Variants in GPR148 observed in about 807,000 individuals in gnomAD.
GPR148 encodes the protein probable G protein-coupled receptor 148.
For synonymous variants in GPR148, 173 were observed against 187.9 expected, an observed-to-expected ratio of 0.92 and a Z score of 0.65; for missense variants, 424 against 435.3, an observed-to-expected ratio of 0.97 and a Z score of 0.23.
Position 130,729,915 on chromosome 2 carries a change from G to A in GPR148, c.764G>A (p.Gly255Asp), listed in dbSNP as rs1574029448. 2 of 1,581,040 alleles carry A rather than the reference G, an allele frequency of 1.3e-6. No homozygotes were observed. Among genetic ancestry groups the A allele is most frequent in the East Asian group, 4.5e-5 (2 of 44,658 alleles). Residue 255 changes from glycine to aspartate, a missense_variant, in exon 1 of 1, where the codon GGC becomes GAC. Transcript: ENST00000309926. The stretch of plus-strand genomic sequence containing the variant: ...AAGACTTCAGGCATCTGGGGGCAGG[G>A]CTATTCCCGGGCCAGGGGCACCCTG... ...EAKTSGIWGQ[G>D]YSRARGTLLI...
In GPR148 at chr2:130,730,021, C is replaced by A; in HGVS notation, c.870C>A (p.His290Gln). 2 of 1,579,060 alleles carry A rather than the reference C, an allele frequency of 1.3e-6. No homozygotes were observed. The highest frequency in any genetic ancestry group is 1.7e-6 in the Non-Finnish European group (2 of 1,161,550). ...FSLDMVLTRY[H>Q]HIDSGTHTWL... The stretch of plus-strand genomic sequence containing the variant: ...TGGACATGGTGCTGACCAGGTACCA[C>A]CACATTGACTCTGGGACTCACACAT... The change falls in exon 1 of 1, where the codon CAC becomes CAA. Residue 290 changes from histidine (H) to glutamine (Q), a missense_variant. Coordinates refer to ENST00000309926, the MANE Select transcript of GPR148 (RefSeq NM_207364.2).
Position 130,729,987 on chromosome 2 carries a change from T to C in GPR148, c.836T>C (p.Val279Ala), listed in dbSNP as rs1277747584. 2 of 1,555,826 alleles carry C rather than the reference T, an allele frequency of 1.3e-6. No homozygotes were observed. Among genetic ancestry groups the C allele is most frequent in the South Asian group, 1.2e-5 (1 of 81,116 alleles). ...ACATTGTACGTGAGCACAGGGGTGGTGTTCTCCCTGGACATGGTGCTGACC... is the reference window on the plus strand; with the variant it reads ...ACATTGTACGTGAGCACAGGGGTGGCGTTCTCCCTGGACATGGTGCTGACC... ...LITLYVSTGVVFSLDMVLTRY... is the reference protein window; with the variant it reads ...LITLYVSTGVAFSLDMVLTRY... Residue 279 changes from valine to alanine, a missense_variant, in exon 1 of 1, where the codon GTG (valine) becomes GCG (alanine). Val to Ala is a moderately conservative substitution (Grantham distance 64). Transcript: ENST00000309926.
the GPR148 span, chr2:130,729,685 CT>C: frequency 6.2e-7 from 1 of 1,614,280 alleles, no homozygotes; most frequent in Admixed American, 1.7e-5. Context: ...TGGCCTGCTG[CT>C]TCCCCACATT....
At position 130,729,734 on chromosome 2, in the gene GPR148, G is replaced by A. The variant is rs1237587359; in HGVS notation, c.583G>A (p.Glu195Lys). ...CAGCAAGTGGCAGGATGCCCAGCTGGAGGAGCAAGGAGCTTCATACATCCT... is the reference window on the plus strand; with the variant it reads ...CAGCAAGTGGCAGGATGCCCAGCTGAAGGAGCAAGGAGCTTCATACATCCT... ...WLSKWQDAQL[E>K]EQGASYILPP... Residue 195 changes from glutamate (E) to lysine (K), a missense_variant, in exon 1 of 1, where the codon GAG (glutamate) becomes AAG (lysine). Physicochemically the swap from Glu to Lys is moderately conservative, Grantham distance 56. Coordinates refer to ENST00000309926, the MANE Select transcript of GPR148 (RefSeq NM_207364.2). 1.2e-6 allele frequency: 2 copies of A among 1,614,248 alleles called. No homozygotes were observed. Among genetic ancestry groups the A allele is most frequent in the South Asian group, 1.1e-5 (1 of 91,088 alleles).
Position 130,729,516 on chromosome 2 carries a change from G to T in GPR148, c.365G>T (p.Gly122Val). 1.2e-6 allele frequency: 2 copies of T among 1,614,154 alleles called. No individual in the cohort carries two copies. Among genetic ancestry groups the T allele is most frequent in the Non-Finnish European group, 1.7e-6 (2 of 1,180,020 alleles). Residue 122 changes from glycine to valine, a missense_variant, in exon 1 of 1, where the codon GGC becomes GTC. Physicochemically the swap from Gly to Val is moderately radical, Grantham distance 109. Transcript: ENST00000309926. The part of the protein sequence containing the change: ...GGWELGRMAC[G>V]ILTDAVFAAC... ...TGGGAGCTGGGCCGCATGGCCTGTGGCATTCTCACTGATGCTGTCTTCGCC... is the reference window on the plus strand; with the variant it reads ...TGGGAGCTGGGCCGCATGGCCTGTGTCATTCTCACTGATGCTGTCTTCGCC...
At position 130,729,115 on chromosome 2, in the gene GPR148, C is replaced by A; in HGVS notation, c.-37C>A. 1 of 1,506,486 alleles carries A rather than the reference C, an allele frequency of 6.6e-7. No individual in the cohort carries two copies. Among genetic ancestry groups the A allele is most frequent in the Non-Finnish European group, 8.9e-7 (1 of 1,124,066 alleles). 93.3% of individuals were successfully genotyped at this position (1,506,486 alleles called of 1,614,324 possible). Reference sequence around the variant, plus strand: ...ACACTCAAGGCAGGTGCAGAATCAACAACCTGTGACAAAGCCAGCCATCCC... The same window carrying A: ...ACACTCAAGGCAGGTGCAGAATCAAAAACCTGTGACAAAGCCAGCCATCCC... On this transcript the variant is annotated 5_prime_UTR_variant, in exon 1 of 1. Coordinates refer to ENST00000309926, the MANE Select transcript of GPR148 (RefSeq NM_207364.2).
chr2:130,729,395 C>T, the GPR148 span: 1 of 1,614,236 alleles, frequency 6.2e-7, no homozygotes, highest in African/African-American at 1.3e-5. Flanking sequence ...ACGGCTGCGA[C>T]AGGAGCCCCA....
chr2:130,729,905 TG>T, the GPR148 span: 4 of 1,587,462 alleles, frequency 2.5e-6, no homozygotes, highest in Non-Finnish European at 3.4e-6. Flanking sequence ...TTCAGGCATC[TG>T]GGGGCAGGGC....
chr2:130,730,171 C>A lies in GPR148; in HGVS notation c.1020C>A (p.His340Gln). ...MVRGHLPSRR[H>Q]QAIFTIS is the part of the protein sequence containing the mutation. ...GGGGCCACCTCCCATCCAGGAGGCA[C>A]CAGGCCATCTTTACCATTTCCTAGA... The change falls in exon 1 of 1, where the codon CAC (histidine) becomes CAA (glutamine). Residue 340 changes from histidine to glutamine, a missense_variant. His to Gln is a conservative substitution (Grantham distance 24). Transcript: ENST00000309926. The A allele has an allele frequency of 6.2e-7, 1 of 1,612,676 alleles. No homozygotes were observed. Among genetic ancestry groups the A allele is most frequent in the Non-Finnish European group, 8.5e-7 (1 of 1,179,470 alleles).
Position 130,730,017 on chromosome 2 carries a change from A to G in GPR148, c.866A>G (p.Tyr289Cys). 1 of 1,576,666 alleles carries G rather than the reference A, an allele frequency of 6.3e-7. No individual in the cohort carries two copies. The highest frequency in any genetic ancestry group is 8.6e-7 in the Non-Finnish European group (1 of 1,160,112). ...TCCCTGGACATGGTGCTGACCAGGT[A>G]CCACCACATTGACTCTGGGACTCAC... ...VFSLDMVLTR[Y>C]HHIDSGTHTW... The change falls in exon 1 of 1, where the codon TAC becomes TGC. Residue 289 changes from tyrosine (Y) to cysteine (C), a missense_variant. Tyr to Cys is a radical substitution (Grantham distance 194). Coordinates refer to ENST00000309926, the MANE Select transcript of GPR148 (RefSeq NM_207364.2).
At position 130,729,358 on chromosome 2, in the gene GPR148, G is replaced by A; in HGVS notation, c.207G>A (p.Leu69=). 6.2e-7 allele frequency: 1 copy of A among 1,613,364 alleles called. No homozygotes were observed. Among genetic ancestry groups the A allele is most frequent in the Non-Finnish European group, 8.5e-7 (1 of 1,179,276 alleles). ...CAGCCACACTGGCTGTCAGCCCCCT[G>A]CTGCTGGTGACCATCCTGCGGAACC... The part of the protein sequence containing the change: ...LAAATLAVSP[L]LLVTILRNQR... Residue 69 remains leucine, a synonymous_variant, in exon 1 of 1, where the codon CTG becomes CTA. Transcript: ENST00000309926.
rs764594321 is a variant in GPR148, at chr2:130,730,177, C to T, written c.1026C>T (p.Ala342=). 3 of 1,611,482 alleles carry T rather than the reference C, an allele frequency of 1.9e-6. No individual in the cohort carries two copies. The highest frequency in any genetic ancestry group is 1.7e-5 in the Admixed American group (1 of 59,606). The change falls in exon 1 of 1, where the codon GCC becomes GCT. Residue 342 remains alanine, a synonymous_variant. Transcript: ENST00000309926. ...RGHLPSRRHQ[A]IFTIS is the part of the protein sequence containing the mutation. The stretch of plus-strand genomic sequence containing the variant: ...ACCTCCCATCCAGGAGGCACCAGGC[C>T]ATCTTTACCATTTCCTAGAGTTCTT...
Position 130,730,026 on chromosome 2 carries a change from T to C in GPR148, c.875T>C (p.Ile292Thr), listed in dbSNP as rs138369389. The C allele has an allele frequency of 1.9e-3, 2,985 of 1,581,304 alleles. 46 individuals carry two copies. In the African/African-American group the frequency reaches 0.034, roughly 18 times the overall value. ...LDMVLTRYHH[I>T]DSGTHTWLLA... is the part of the protein sequence containing the mutation. ...ATGGTGCTGACCAGGTACCACCACA[T>C]TGACTCTGGGACTCACACATGGCTC... Residue 292 changes from isoleucine to threonine, a missense_variant, in exon 1 of 1, where the codon ATT becomes ACT. By Grantham distance (89) the Ile-to-Thr change is moderately conservative. Coordinates refer to ENST00000309926, the MANE Select transcript of GPR148 (RefSeq NM_207364.2).
At position 130,729,778 on chromosome 2, in the gene GPR148, C is replaced by T; in HGVS notation, c.627C>T (p.Thr209=). The stretch of plus-strand genomic sequence containing the variant: ...ACATCCTACCACCAAGCATGGGCAC[C>T]CAGCCGGGATGTGGCCTCCTGGTCA... ...ASYILPPSMG[T]QPGCGLLVIV... is the part of the protein sequence containing the mutation. The change falls in exon 1 of 1, where the codon ACC becomes ACT. Residue 209 remains threonine (T), a synonymous_variant. Coordinates refer to ENST00000309926, the MANE Select transcript of GPR148 (RefSeq NM_207364.2). 6.2e-7 allele frequency: 1 copy of T among 1,613,008 alleles called. No homozygotes were observed. The highest frequency in any genetic ancestry group is 8.5e-7 in the Non-Finnish European group (1 of 1,179,100).
chr2:130,729,858 C>T lies in GPR148; in HGVS notation c.707C>T (p.Ala236Val). The T allele has an allele frequency of 1.3e-6, 2 of 1,593,860 alleles. No homozygotes were observed. Among genetic ancestry groups the T allele is most frequent in the Non-Finnish European group, 1.7e-6 (2 of 1,168,228 alleles). The change falls in exon 1 of 1, where the codon GCC becomes GTC. Residue 236 changes from alanine to valine, a missense_variant. Ala to Val is a moderately conservative substitution (Grantham distance 64). Coordinates refer to ENST00000309926, the MANE Select transcript of GPR148 (RefSeq NM_207364.2). ...CTGTTCCTCTGCACAGCTCTCATTG[C>T]CAACTGTTTCTGGAGGATCTATGCA... is the stretch of plus-strand genomic sequence containing the variant. ...CVLFLCTALI[A>V]NCFWRIYAEA...
At position 130,729,355 on chromosome 2, in the gene GPR148, CCTG is replaced by C. The variant is rs755279238; in HGVS notation, c.211_213del (p.Leu71del). 391 of 1,614,070 alleles carry C rather than the reference CCTG, an allele frequency of 2.4e-4. No individual in the cohort carries two copies. The highest frequency in any genetic ancestry group is 3.1e-4 in the Non-Finnish European group (365 of 1,179,994). On this transcript the variant is annotated inframe_deletion, in exon 1 of 1. Transcript: ENST00000309926. ...CTGCAGCCACACTGGCTGTCAGCCC[CCTG>C]CTGCTGGTGACCATCCTGCGGAACC... is the stretch of plus-strand genomic sequence containing the variant.
At position 130,729,189 on chromosome 2, in the gene GPR148, C is replaced by G. The variant is rs369760927; in HGVS notation, c.38C>G (p.Thr13Arg). The G allele has an allele frequency of 1.2e-5, 19 of 1,558,102 alleles. No homozygotes were observed. The highest frequency in any genetic ancestry group is 1.7e-5 in the Non-Finnish European group (19 of 1,149,644). The change falls in exon 1 of 1, where the codon ACA becomes AGA. Residue 13 changes from threonine (T) to arginine (R), a missense_variant. Physicochemically the swap from Thr to Arg is moderately conservative, Grantham distance 71 (BLOSUM62 -1). Coordinates refer to ENST00000309926, the MANE Select transcript of GPR148 (RefSeq NM_207364.2). ...CTGGCACCTTGCCCTGTGGGCACTACAGCTTGGCCGGCCCTGATCCAGCTC... is the reference window on the plus strand; with the variant it reads ...CTGGCACCTTGCCCTGTGGGCACTAGAGCTTGGCCGGCCCTGATCCAGCTC... ...DELAPCPVGT[T>R]AWPALIQLIS...
chr2:130,730,015 G>C lies in GPR148; in HGVS notation c.864G>C (p.Arg288Ser). The C allele has an allele frequency of 6.3e-7, 1 of 1,575,466 alleles. No individual in the cohort carries two copies. Among genetic ancestry groups the C allele is most frequent in the Admixed American group, 1.8e-5 (1 of 56,868 alleles). ...VVFSLDMVLT[R>S]YHHIDSGTHT... is the part of the protein sequence containing the mutation. ...TCTCCCTGGACATGGTGCTGACCAG[G>C]TACCACCACATTGACTCTGGGACTC... The change falls in exon 1 of 1, where the codon AGG becomes AGC. Residue 288 changes from arginine to serine, a missense_variant. By Grantham distance (110) the Arg-to-Ser change is moderately radical (BLOSUM62 -1). Coordinates refer to ENST00000309926, the MANE Select transcript of GPR148 (RefSeq NM_207364.2).
Position 130,729,294 on chromosome 2 carries a change from T to C in GPR148, c.143T>C (p.Met48Thr). The change falls in exon 1 of 1, where the codon ATG becomes ACG. Residue 48 changes from methionine (M) to threonine (T), a missense_variant. Physicochemically the swap from Met to Thr is moderately conservative, Grantham distance 81. Coordinates refer to ENST00000309926, the MANE Select transcript of GPR148 (RefSeq NM_207364.2). ...GLGDLRVPSS[M>T]LYWLFLPSSL... ...GGGGACCTCAGGGTGCCCAGCTCCA[T>C]GCTGTACTGGCTTTTCCTTCCCTCA... 6.2e-7 allele frequency: 1 copy of C among 1,613,268 alleles called. No individual in the cohort carries two copies. Among genetic ancestry groups the C allele is most frequent in the Non-Finnish European group, 8.5e-7 (1 of 1,179,500 alleles).
Sources: allele counts gnomAD v4.1 joint callset, GRCh38; gene constraint gnomAD v4.1.1; transcripts MANE v1.5; gene names NCBI Gene and HGNC (gene_info 2026-07-23, HGNC 2026-07-21).